The following COL13A1 variants were observed in gnomAD, a reference collection of about 807,000 sequenced individuals.
The protein encoded by COL13A1 is collagen type XIII alpha 1 chain.
Under a neutral mutation model 130.9 loss-of-function variants are expected in COL13A1, and 89 were observed. That is an observed-to-expected ratio of 0.68 (90% CI 0.57 to 0.81). The LOEUF is 0.81. Ranked by LOEUF, COL13A1 falls within the 30% of genes least tolerant of loss-of-function variation. COL13A1 has a pLI of 0.00. For synonymous variants in COL13A1, 402 were observed against 341.6 expected (o/e 1.18, Z -1.95); for missense variants, 879 against 934.6 (o/e 0.94, Z 0.78).
chr10:69,912,415 G>A (rs1244837859), intron 17 of COL13A1, among the ~76,000 whole-genome samples: 2 of 152,178 alleles, frequency 1.3e-5, no homozygotes, highest in African/African-American at 2.4e-5. Flanking sequence ...CAGGAACTGA[G>A]CTGCCTTTTT....
At chr10:69,925,950 C>A in intron 26 of COL13A1, 78 bp downstream of exon 26, 1 of 1,251,222 alleles carries the variant, frequency 8.0e-7, no homozygotes, top group Non-Finnish European at 1.1e-6. Flanking sequence ...GGGGGCCCTT[C>A]CACACAGCCG....
intron 12 of COL13A1, 72 bp from the exon 13 acceptor site, chr10:69,895,478 T>C (rs1482722291): frequency 6.5e-7 from 1 of 1,537,534 alleles, no homozygotes; most frequent in Non-Finnish European, 9.0e-7. Context: ...CCTGAAGTGC[T>C]GGGGGTGCCC....
intron 10 of COL13A1, among the ~76,000 whole-genome samples, chr10:69,891,446 G>A (rs1457751662): frequency 6.6e-6 from 1 of 152,190 alleles, no homozygotes; most frequent in Non-Finnish European, 1.5e-5. Flanking sequence ...TGCAGAACCG[G>A]AGGAAGGGCA....
chr10:69,902,194 T>A (rs2062251385), intron 14 of COL13A1, among the ~76,000 whole-genome samples: 1 of 152,188 alleles, frequency 6.6e-6, no homozygotes. Context: ...AGTCTCTTGC[T>A]CAGTTGTTTA....
chr10:69,845,094 G>C (rs1852639165), intron 2 of COL13A1, among the ~76,000 whole-genome samples: 1 of 152,130 alleles, frequency 6.6e-6, no homozygotes, highest in Non-Finnish European at 1.5e-5. Flanking sequence ...GACCTGCCTT[G>C]CTTGACATCT....
chr10:69,825,220 A>C (rs573001175), intron 2 of COL13A1, among the ~76,000 whole-genome samples: 1 of 152,330 alleles, frequency 6.6e-6, no homozygotes, highest in African/African-American at 2.4e-5. Flanking sequence ...AACACTCTGG[A>C]ATGTCTGAAC....
intron 36 of COL13A1, 59 bp downstream of exon 36, chr10:69,944,237 C>G (rs2068100816): frequency 2.2e-5 from 32 of 1,442,714 alleles, no homozygotes; most frequent in Non-Finnish European, 3.1e-5. Flanking sequence ...GCCTGGGACC[C>G]AACACCAGGG....
At chr10:69,835,594 C>G (rs10823438) in intron 2 of COL13A1, among the ~76,000 whole-genome samples, 80,102 of 152,026 alleles carry the variant, frequency 0.53, 21,661 homozygotes, top group African/African-American at 0.65. Context: ...ACGACTCACA[C>G]TGCCCTATTC....
At chr10:69,869,061 C>G in intron 3 of COL13A1, among the ~76,000 whole-genome samples, 1 of 152,192 alleles carries the variant, frequency 6.6e-6, no homozygotes. Flanking sequence ...CTCCTGCACA[C>G]ACCTCACCCC....
chr10:69,930,615 G>T (rs1054252312), intron 30 of COL13A1, 63 bp downstream of exon 30: 33 of 1,542,118 alleles, frequency 2.1e-5, no homozygotes, highest in Non-Finnish European at 2.8e-5. Flanking sequence ...CGCCAGCTTT[G>T]CAGGGCTTTG....
chr10:69,814,376 G>T lies in COL13A1; in HGVS notation c.295-7993G>T, dbSNP rs182188069. On this transcript the variant is annotated intron_variant, in intron 1 of 40. Coordinates refer to ENST00000645393, the MANE Select transcript of COL13A1 (RefSeq NM_001368882.1). ...GGAAACTTGACCACTTGTCGCAGAG[G>T]TGTATGCCATGGAGCCAGGGCAGCA... is the stretch of plus-strand genomic sequence containing the variant. Among the ~76,000 whole-genome samples, 12 of 152,300 alleles carry T rather than the reference G, an allele frequency of 7.9e-5. No homozygotes were observed. In the East Asian group the frequency reaches 1.4e-3, roughly 17 times the overall value.
At chr10:69,806,206 C>T (rs1017052256) in intron 1 of COL13A1, among the ~76,000 whole-genome samples, 10 of 152,346 alleles carry the variant, frequency 6.6e-5, no homozygotes, top group Middle Eastern at 6.8e-3. Flanking sequence ...AGGACTGGGC[C>T]ACTTCCTGAA....
intron 16 of COL13A1, among the ~76,000 whole-genome samples, chr10:69,905,226 G>T (rs547537047): frequency 9.2e-5 from 14 of 152,298 alleles, no homozygotes; most frequent in African/African-American, 3.1e-4. Context: ...GGAGTATAGC[G>T]TCTAGCTGGA....
chr10:69,880,166 C>T (rs2059986472), intron 6 of COL13A1, among the ~76,000 whole-genome samples: 1 of 152,212 alleles, frequency 6.6e-6, no homozygotes, highest in Admixed American at 6.5e-5. Context: ...CTTCTCGCTT[C>T]CCCGGCCTGG....
At chr10:69,937,770 C>A in intron 34 of COL13A1, 55 bp downstream of exon 34, 1 of 791,264 alleles carries the variant, frequency 1.3e-6, no homozygotes, top group Non-Finnish European at 2.3e-6. Flanking sequence ...GGGGTGTGGG[C>A]TGGGACTGGG....
chr10:69,856,356 T>C (rs566500820), intron 2 of COL13A1, among the ~76,000 whole-genome samples: 3 of 152,306 alleles, frequency 2.0e-5, no homozygotes, highest in Non-Finnish European at 4.4e-5. Flanking sequence ...CACCATGCCC[T>C]ATCACATGAC....
intron 27 of COL13A1, 108 bp from the exon 28 acceptor site, chr10:69,928,829 C>T: frequency 2.8e-6 from 2 of 718,040 alleles, no homozygotes; most frequent in South Asian, 2.2e-5. Context: ...GGAGAAAGGT[C>T]TGTAAACAAC....
chr10:69,955,344 C>T (rs949879011), intron 39 of COL13A1: 1 of 152,700 alleles, frequency 6.5e-6, no homozygotes, highest in East Asian at 1.9e-4. Context: ...TCAACCAGGA[C>T]TTCCACCATC....
At chr10:69,832,180 G>T (rs776511497) in intron 2 of COL13A1, among the ~76,000 whole-genome samples, 4 of 152,196 alleles carry the variant, frequency 2.6e-5, no homozygotes, top group African/African-American at 9.7e-5. Context: ...TCCCTGATCT[G>T]CCCTGTGGAA....
Sources: allele counts gnomAD v4.1 joint callset (sites outside exome capture counted in the v4.1 genomes callset), GRCh38; gene constraint gnomAD v4.1.1; transcripts MANE v1.5; gene names NCBI Gene and HGNC (gene_info 2026-07-23, HGNC 2026-07-21).